The following DOK6 variants were observed in gnomAD, a reference collection of about 807,000 sequenced individuals.
DOK6 encodes downstream of tyrosine kinase 6.
DOK6 carries 22 observed loss-of-function variants against 44.0 expected under a neutral mutation model. That is an observed-to-expected ratio of 0.50 (90% CI 0.36 to 0.71). The LOEUF (loss-of-function observed/expected upper bound fraction) is 0.71. Ranked by LOEUF, DOK6 falls within the 30% of genes least tolerant of loss-of-function variation. The pLI is 0.00. For missense variants in DOK6, 340 were observed against 416.4 expected (o/e 0.82, Z 1.60); for synonymous variants, 166 against 145.5 (o/e 1.14, Z -1.01).
intron 7 of DOK6, among the ~76,000 whole-genome samples, chr18:69,789,891 AG>A (rs1359830267): frequency 1.3e-5 from 2 of 152,140 alleles, no homozygotes; most frequent in Non-Finnish European, 1.5e-5. Flanking sequence ...TAAGCACATT[AG>A]GGGAGGCTGC....
chr18:69,441,979 G>A (rs1461354321), intron 1 of DOK6, among the ~76,000 whole-genome samples: 1 of 152,090 alleles, frequency 6.6e-6, no homozygotes, highest in African/African-American at 2.4e-5. Context: ...ATTTAAGGTG[G>A]GGATTAAAAT....
At chr18:69,540,153 A>G (rs1251442932) in intron 1 of DOK6, among the ~76,000 whole-genome samples, 2 of 152,170 alleles carry the variant, frequency 1.3e-5, no homozygotes, top group African/African-American at 4.8e-5. Flanking sequence ...TGTGGGGATT[A>G]TGGGGATTAC....
At chr18:69,417,209 C>T (rs905787927) in intron 1 of DOK6, among the ~76,000 whole-genome samples, 4 of 152,070 alleles carry the variant, frequency 2.6e-5, no homozygotes, top group African/African-American at 9.7e-5. Flanking sequence ...TGCCCATTAA[C>T]CAACCTCCCC....
At chr18:69,656,301 TAG>T (rs1312711815) in intron 3 of DOK6, among the ~76,000 whole-genome samples, 3 of 152,188 alleles carry the variant, frequency 2.0e-5, no homozygotes, top group Admixed American at 6.5e-5. Flanking sequence ...TTGATTAACC[TAG>T]ATCTTTACAG....
At chr18:69,827,509 T>C (rs1272570626) in intron 7 of DOK6, among the ~76,000 whole-genome samples, 12 of 152,090 alleles carry the variant, frequency 7.9e-5, no homozygotes, top group Admixed American at 7.9e-4. Flanking sequence ...TGGTAATTCA[T>C]TTTGATAATT....
chr18:69,658,152 A>G (rs1215524855), intron 3 of DOK6, among the ~76,000 whole-genome samples: 8 of 151,398 alleles, frequency 5.3e-5, no homozygotes. Context: ...GGGTTTTGCT[A>G]TATTGACCAG....
At chr18:69,757,628 C>T in intron 6 of DOK6, 128 bp from the exon 7 acceptor site, 1 of 715,686 alleles carries the variant, frequency 1.4e-6, no homozygotes, top group Admixed American at 2.2e-5. Context: ...TATCCTTACA[C>T]CGGGGATCAT....
intron 4 of DOK6, among the ~76,000 whole-genome samples, chr18:69,698,094 C>A (rs1324457080): frequency 6.6e-6 from 1 of 152,166 alleles, no homozygotes; most frequent in African/African-American, 2.4e-5. Context: ...ACAATTTGGG[C>A]AGAGACTCCC....
intron 7 of DOK6, among the ~76,000 whole-genome samples, chr18:69,835,676 C>A (rs1472338774): frequency 6.6e-6 from 1 of 152,212 alleles, no homozygotes; most frequent in Non-Finnish European, 1.5e-5. Context: ...ATGACAGCGT[C>A]TCCTCTGTGT....
chr18:69,487,510 T>C (rs1980617912), intron 1 of DOK6, among the ~76,000 whole-genome samples: 1 of 152,150 alleles, frequency 6.6e-6, no homozygotes, highest in Non-Finnish European at 1.5e-5. Flanking sequence ...TGTGAGTGGA[T>C]TATCCTTTTA....
rs147355797 is a variant in DOK6, at chr18:69,733,056, T to C, written c.600-5909T>C. On this transcript the variant is annotated intron_variant, in intron 5 of 7. Coordinates refer to ENST00000382713, the MANE Select transcript of DOK6 (RefSeq NM_152721.6). ...GGAGCAGGAGAGAGGGAGAGAGGCA[T>C]GGCAGTGTACGCCTGTACAAACAGC... 6.5e-4 allele frequency among the ~76,000 whole-genome samples: 99 copies of C among 152,208 alleles called. 1 individual carries two copies. Among genetic ancestry groups the C allele is most frequent in the Non-Finnish European group, 6.9e-4 (47 of 68,008 alleles).
intron 5 of DOK6, among the ~76,000 whole-genome samples, chr18:69,728,052 C>CT (rs1407136739): frequency 6.6e-6 from 1 of 152,204 alleles, no homozygotes; most frequent in Non-Finnish European, 1.5e-5. Context: ...CTGATTTGGG[C>CT]TTTGCAGGGA....
At chr18:69,834,079 C>T (rs990658142) in intron 7 of DOK6, among the ~76,000 whole-genome samples, 2 of 152,084 alleles carry the variant, frequency 1.3e-5, no homozygotes, top group Non-Finnish European at 2.9e-5. Context: ...ATTTGCATTC[C>T]CATGTTTATT....
At chr18:69,599,591 G>A in intron 3 of DOK6, 93 bp downstream of exon 3, 1 of 941,800 alleles carries the variant, frequency 1.1e-6, no homozygotes, top group Admixed American at 2.4e-5. Flanking sequence ...TGAACAGGAT[G>A]GCCTACTGTC....
intron 7 of DOK6, among the ~76,000 whole-genome samples, chr18:69,792,801 A>G (rs181356626): frequency 1.3e-5 from 2 of 152,220 alleles, no homozygotes; most frequent in African/African-American, 4.8e-5. Context: ...ATTGCAACAT[A>G]TTACATGCTT....
At chr18:69,530,311 T>C (rs17081168) in intron 1 of DOK6, among the ~76,000 whole-genome samples, 1,660 of 152,216 alleles carry the variant, frequency 0.011, 26 homozygotes, top group African/African-American at 0.037. Flanking sequence ...GGGCAGACAT[T>C]AGCTGCATCT....
At chr18:69,457,840 C>T (rs1240708432) in intron 1 of DOK6, among the ~76,000 whole-genome samples, 1 of 152,096 alleles carries the variant, frequency 6.6e-6, no homozygotes, top group Non-Finnish European at 1.5e-5. Context: ...TCTCCAGCAG[C>T]ACATCAAAAA....
intron 1 of DOK6, among the ~76,000 whole-genome samples, chr18:69,420,521 T>C (rs923671478): frequency 1.2e-4 from 19 of 152,292 alleles, no homozygotes; most frequent in African/African-American, 4.3e-4. Flanking sequence ...CTTTAAGTTC[T>C]AGGGTACATG....
chr18:69,474,777 C>A (rs1330932555), intron 1 of DOK6, among the ~76,000 whole-genome samples: 5 of 152,126 alleles, frequency 3.3e-5, no homozygotes, highest in African/African-American at 1.2e-4. Context: ...TAGAATAATT[C>A]TTGTCAAAAC....
Sources: gnomAD v4.1 joint callset for allele counts (sites outside exome capture counted in the v4.1 genomes callset) on GRCh38, gnomAD v4.1.1 for gene constraint, MANE v1.5 for transcripts, NCBI Gene and HGNC (gene_info 2026-07-23, HGNC 2026-07-21) for gene names.